ANKRD13B: variants seen among roughly 807,000 people sequenced by gnomAD.
The protein encoded by ANKRD13B is ankyrin repeat domain 13B, also known as ankyrin repeat domain-containing protein 13B.
Under a neutral mutation model 74.4 loss-of-function variants are expected in ANKRD13B, and 33 were observed. The observed-to-expected ratio is 0.44, with a 90% CI of 0.34 to 0.59. The LOEUF is 0.59. ANKRD13B is among the 20% of genes least tolerant of loss of function. The probability of loss-of-function intolerance (pLI) is 0.02; values close to 1 mark genes in which losing one functional copy is unlikely to be tolerated. For missense variants in ANKRD13B, 676 were observed against 877.9 expected (o/e 0.77, Z 2.91); for synonymous variants, 341 against 362.9 (o/e 0.94, Z 0.68).
At position 29,608,655 on chromosome 17, in the gene ANKRD13B, G is replaced by A. The variant is rs961403145; in HGVS notation, c.422-196G>A. 4.0e-5 allele frequency: 28 copies of A among 698,152 alleles called. No individual in the cohort carries two copies. The highest frequency in any genetic ancestry group is 1.2e-4 in the Admixed American group (4 of 33,348). The allele number at this position is 698,152 out of a possible 1,614,324, so 43.2% of individuals were successfully genotyped here. ...ACTTAGTGGTGACAGAAACATGCCC[G>A]TCCCGACCTCAGGTTGCTCTTCTGT... On this transcript the variant is annotated intron_variant, in intron 4 of 14. Coordinates refer to ENST00000394859, the MANE Select transcript of ANKRD13B (RefSeq NM_152345.5). This position sits in a 1 kb window ranked among gnomAD's most constrained non-coding sequence, Gnocchi z 6.4.
Position 29,611,580 on chromosome 17 carries a change from C to T in ANKRD13B, c.906C>T (p.Gly302=). The T allele has an allele frequency of 6.2e-7, 1 of 1,614,154 alleles. No individual in the cohort carries two copies. Among genetic ancestry groups the T allele is most frequent in the Non-Finnish European group, 8.5e-7 (1 of 1,180,012 alleles). Residue 302 remains glycine (G), a splice_region_variant and synonymous_variant, in exon 9 of 15, where the codon GGC becomes GGT. Transcript: ENST00000394859. The surrounding 1 kb of genome is among the most constrained non-coding windows in gnomAD (Gnocchi z 4.3). ...LSEQHKGKVK[G]CKTPLQSFLG... ...TCTGAGATGCCACATTTCTTGTAGGCTGTAAGACACCTTTGCAGTCCTTCC... is the reference window on the plus strand; with the variant it reads ...TCTGAGATGCCACATTTCTTGTAGGTTGTAAGACACCTTTGCAGTCCTTCC...
At chr17:29,599,865 G>GTTGTTTTTTTTTTT (rs2034090930) in intron 1 of ANKRD13B, among the ~76,000 whole-genome samples, 6 of 50,776 alleles carry the variant, frequency 1.2e-4, no homozygotes, top group African/African-American at 4.4e-4. Flanking sequence ...CATCTAATTT[G>GTTGTTTTTTTTTTT]TTTTTTTTTT....
At chr17:29,597,450 G>GGACAGGGAAAGCA (rs2033993010) in intron 1 of ANKRD13B, among the ~76,000 whole-genome samples, 1 of 152,008 alleles carries the variant, frequency 6.6e-6, no homozygotes, top group Non-Finnish European at 1.5e-5. Context: ...GTGTGCCTGA[G>GGACAGGGAAAGCA]TGGAGGTAGG....
Position 29,613,512 on chromosome 17 carries a change from G to A in ANKRD13B, c.1811G>A (p.Arg604Lys), listed in dbSNP as rs933412044. The change falls in exon 15 of 15, where the codon AGG becomes AAG. Residue 604 changes from arginine to lysine, a missense_variant. Coordinates refer to ENST00000394859, the MANE Select transcript of ANKRD13B (RefSeq NM_152345.5). ...MELSAQEQEERRRRARQEEEE... is the reference protein window; with the variant it reads ...MELSAQEQEEKRRRARQEEEE... ...CTGTCGGCGCAGGAGCAGGAGGAGA[G>A]GCGGCGGCGCGCGCGCCAGGAGGAG... 7 of 1,527,918 alleles carry A rather than the reference G, an allele frequency of 4.6e-6. No homozygotes were observed. Among genetic ancestry groups the A allele is most frequent in the Non-Finnish European group, 6.1e-6 (7 of 1,139,930 alleles). 94.6% of individuals were successfully genotyped at this position (1,527,918 alleles called of 1,614,324 possible).
In ANKRD13B at chr17:29,613,714, C is replaced by A; in HGVS notation, c.*132C>A. 7.5e-7 allele frequency: 1 copy of A among 1,336,992 alleles called. No homozygotes were observed. Among genetic ancestry groups the A allele is most frequent in the Non-Finnish European group, 9.6e-7 (1 of 1,036,426 alleles). 82.8% of individuals were successfully genotyped at this position (1,336,992 alleles called of 1,614,324 possible). On this transcript the variant is annotated 3_prime_UTR_variant, in exon 15 of 15. Transcript: ENST00000394859. ...CCACCGCCTCGCGGGTGCAGCAGCA[C>A]AGCAGGCACGGTTCGGGGAGGGATT...
At chr17:29,610,890 G>A (rs979924634) in intron 8 of ANKRD13B, 124 bp downstream of exon 8, 15 of 948,838 alleles carry the variant, frequency 1.6e-5, no homozygotes, top group Middle Eastern at 3.2e-4. Flanking sequence ...TATTCAGGCC[G>A]ATAGATTTCA....
chr17:29,597,830 A>C (rs2034006744), intron 1 of ANKRD13B, among the ~76,000 whole-genome samples: 4 of 151,624 alleles, frequency 2.6e-5, no homozygotes, highest in Non-Finnish European at 5.9e-5. Context: ...AGTGCTCCTG[A>C]GGTGTGGGGA....
chr17:29,593,459 C>A lies in ANKRD13B; in HGVS notation c.-163C>A, dbSNP rs945643167. ...CGCCCGTCGCCCGCGCCGCCCGCAC[C>A]GCGCCGGGCGCGCCGCCCCCGCCCG... On this transcript the variant is annotated 5_prime_UTR_variant, in exon 1 of 15. Transcript: ENST00000394859. 1.3e-5 allele frequency: 2 copies of A among 157,134 alleles called. No homozygotes were observed. The highest frequency in any genetic ancestry group is 4.9e-5 in the African/African-American group (2 of 40,472). The allele number at this position is 157,134 out of a possible 1,614,324, so 9.7% of individuals were successfully genotyped here. A position where few individuals can be genotyped will look rare whatever the true frequency, so the allele number is the denominator to read the frequency against.
rs1310157703 is a variant in ANKRD13B at position 29,593,391 on chromosome 17, TG to T, written c.-226del. ...AGTGCCCGCTCCCTCCCAGGGCGGGTGGGGGCCTCTCCGCGCCGCCCGCCGC... is the reference window on the plus strand; with the variant it reads ...AGTGCCCGCTCCCTCCCAGGGCGGGTGGGGCCTCTCCGCGCCGCCCGCCGC... On this transcript the variant is annotated 5_prime_UTR_variant, in exon 1 of 15. Transcript: ENST00000394859. The T allele has an allele frequency of 6.9e-6, 1 of 145,736 alleles. No individual in the cohort carries two copies. The highest frequency in any genetic ancestry group is 1.5e-5 in the Non-Finnish European group (1 of 65,472). 9.0% of individuals were successfully genotyped at this position (145,736 alleles called of 1,614,324 possible). A position where few individuals can be genotyped will look rare whatever the true frequency, so the allele number is the denominator to read the frequency against.
intron 1 of ANKRD13B, among the ~76,000 whole-genome samples, chr17:29,605,945 T>C (rs1162387165): frequency 6.6e-6 from 1 of 151,300 alleles, no homozygotes; most frequent in Non-Finnish European, 1.5e-5. Flanking sequence ...GGAGTTTTGC[T>C]CTTGTCGCCC....
At chr17:29,606,203 G>A (rs567157658) in intron 1 of ANKRD13B, among the ~76,000 whole-genome samples, 6 of 151,308 alleles carry the variant, frequency 4.0e-5, no homozygotes, top group African/African-American at 7.3e-5. Context: ...GAGCTACCGC[G>A]CCTGGCCTGT....
Position 29,611,070 on chromosome 17 carries a change from T to C in ANKRD13B, c.904+304T>C, listed in dbSNP as rs1482427572. The stretch of plus-strand genomic sequence containing the variant: ...GTATGCCATTTATTGGCCATTCTAG[T>C]CTAGTGGGACATATCCTAGGTAGAA... On this transcript the variant is annotated intron_variant, in intron 8 of 14. Coordinates refer to ENST00000394859, the MANE Select transcript of ANKRD13B (RefSeq NM_152345.5). This position sits in a 1 kb window ranked among gnomAD's most constrained non-coding sequence, Gnocchi z 4.3. Among the ~76,000 whole-genome samples the C allele has an allele frequency of 6.6e-6, 1 of 152,200 alleles. No homozygotes were observed. The highest frequency in any genetic ancestry group is 2.4e-5 in the African/African-American group (1 of 41,432).
chr17:29,613,108 C>A, intron 14 of ANKRD13B, 145 bp downstream of exon 14: 2 of 1,234,266 alleles, frequency 1.6e-6, no homozygotes, highest in Non-Finnish European at 2.3e-6. Flanking sequence ...GCCTCCGAGG[C>A]GGCAGGCAGG....
chr17:29,594,321 C>T (rs1335063565), intron 1 of ANKRD13B, among the ~76,000 whole-genome samples: 8 of 152,240 alleles, frequency 5.3e-5, no homozygotes, highest in Non-Finnish European at 1.0e-4. Context: ...TGTCCAGGTG[C>T]TGAAAAGCGC....
chr17:29,607,401 C>T (rs765146394), intron 1 of ANKRD13B, among the ~76,000 whole-genome samples: 3 of 152,208 alleles, frequency 2.0e-5, no homozygotes, highest in Non-Finnish European at 4.4e-5. Flanking sequence ...CCACTTCAGT[C>T]CCAGGCTTAT....
rs1302522239 is a variant in ANKRD13B, at chr17:29,613,707, A to C, written c.*125A>C. The C allele has an allele frequency of 2.9e-5, 39 of 1,343,124 alleles. No individual in the cohort carries two copies. The highest frequency in any genetic ancestry group is 3.2e-5 in the Non-Finnish European group (33 of 1,041,920). 83.2% of individuals were successfully genotyped at this position (1,343,124 alleles called of 1,614,324 possible). Reference sequence around the variant, plus strand: ...ACTGGAGCCACCGCCTCGCGGGTGCAGCAGCACAGCAGGCACGGTTCGGGG... The same window carrying C: ...ACTGGAGCCACCGCCTCGCGGGTGCCGCAGCACAGCAGGCACGGTTCGGGG... On this transcript the variant is annotated 3_prime_UTR_variant, in exon 15 of 15. Transcript: ENST00000394859.
rs2034462445 is a variant in ANKRD13B, at chr17:29,608,351, T to C, written c.421+111T>C. 4 of 1,425,478 alleles carry C rather than the reference T, an allele frequency of 2.8e-6. No homozygotes were observed. The highest frequency in any genetic ancestry group is 3.8e-6 in the Non-Finnish European group (4 of 1,039,330). The allele number at this position is 1,425,478 out of a possible 1,614,324, so 88.3% of individuals were successfully genotyped here. A position where few individuals can be genotyped will look rare whatever the true frequency, so the allele number is the denominator to read the frequency against. ...TCTTCCGGCGGTTCCCTCTATGCCT[T>C]AGCTCAGCTCAGGGCCACCGCCTCA... On this transcript the variant is annotated intron_variant, in intron 4 of 14. Transcript: ENST00000394859. This position sits in a 1 kb window ranked among gnomAD's most constrained non-coding sequence, Gnocchi z 6.4.
In ANKRD13B at chr17:29,608,017, G is replaced by A. The variant is rs1189046917; in HGVS notation, c.282G>A (p.Leu94=). 3.7e-6 allele frequency: 6 copies of A among 1,611,670 alleles called. No homozygotes were observed. Among genetic ancestry groups the A allele is most frequent in the Non-Finnish European group, 2.5e-6 (3 of 1,178,892 alleles). Residue 94 remains leucine, a synonymous_variant, in exon 3 of 15, where the codon CTG becomes CTA. Transcript: ENST00000394859. The surrounding 1 kb of genome is among the most constrained non-coding windows in gnomAD (Gnocchi z 6.4). Reference sequence around the variant, plus strand: ...AGGAGGCTGTGAGTACCCGGGACCTGGAGCTGGTGCAGCTGGTGCTTCGGT... The same window carrying A: ...AGGAGGCTGTGAGTACCCGGGACCTAGAGCTGGTGCAGCTGGTGCTTCGGT... ...VLQEAVSTRD[L]ELVQLVLRYR... is the part of the protein sequence containing the mutation.
rs765230316 is a variant in ANKRD13B at position 29,608,971 on chromosome 17, G to A, written c.542G>A (p.Arg181His). The A allele has an allele frequency of 1.1e-5, 18 of 1,614,038 alleles. No homozygotes were observed. Among genetic ancestry groups the A allele is most frequent in the East Asian group, 4.5e-5 (2 of 44,908 alleles). The change falls in exon 5 of 15, where the codon CGC becomes CAC. Residue 181 changes from arginine (R) to histidine (H), a missense_variant. Around this residue, in one of 4 missense-constraint regions of ANKRD13B, gnomAD observed 328 missense variants for 518.4 expected, o/e 0.63. Coordinates refer to ENST00000394859, the MANE Select transcript of ANKRD13B (RefSeq NM_152345.5). This position sits in a 1 kb window ranked among gnomAD's most constrained non-coding sequence, Gnocchi z 6.4. ...FDHMTWQRGN[R>H]SFVFRGQDTS... is the part of the protein sequence containing the mutation. ...CACATGACCTGGCAGCGAGGGAACC[G>A]CAGCTTTGTCTTCAGGGGCCAAGGT...
Sources: allele counts gnomAD v4.1 joint callset (sites outside exome capture counted in the v4.1 genomes callset), GRCh38; gene constraint gnomAD v4.1.1; regional missense constraint gnomAD v4.1.1; non-coding constraint Gnocchi (gnomAD v3.1); transcripts MANE v1.5; gene names NCBI Gene and HGNC (gene_info 2026-07-23, HGNC 2026-07-21).